Variants in GAPVD1 observed in about 807,000 individuals in gnomAD.
The protein encoded by GAPVD1 is GTPase-activating protein and VPS9 domain-containing protein 1.
Under a neutral mutation model 155.5 loss-of-function variants are expected in GAPVD1, and 35 were observed. That is an observed-to-expected ratio of 0.23 (90% confidence interval 0.17 to 0.30). GAPVD1 has a LOEUF of 0.30. GAPVD1 is among the 10% of genes least tolerant of loss of function. The probability of loss-of-function intolerance (pLI) is 1.00; values close to 1 mark genes in which losing one functional copy is unlikely to be tolerated. For missense variants in GAPVD1, 1,429 were observed against 1,775.7 expected, an observed-to-expected ratio of 0.80 and a Z score of 3.51; for synonymous variants, 636 against 619.7, an observed-to-expected ratio of 1.03 and a Z score of -0.39.
intron 13 of GAPVD1, 80 bp downstream of exon 13, chr9:125,330,298 G>T: frequency 2.2e-5 from 18 of 822,622 alleles, no homozygotes; most frequent in Non-Finnish European, 2.5e-5. Flanking sequence ...TCTGTATTAT[G>T]TATATTTTGT....
At chr9:125,304,277 T>G (rs907847040) in intron 5 of GAPVD1, among the ~76,000 whole-genome samples, 3 of 152,184 alleles carry the variant, frequency 2.0e-5, no homozygotes, top group Non-Finnish European at 2.9e-5. Flanking sequence ...TCCAGGCTGG[T>G]CTTGAACTCC....
At chr9:125,262,775 T>C (rs1451860497) in intron 1 of GAPVD1, among the ~76,000 whole-genome samples, 1 of 152,218 alleles carries the variant, frequency 6.6e-6, no homozygotes, top group Non-Finnish European at 1.5e-5. Context: ...AGAAGGAGGA[T>C]AAAATGACAT....
rs755382715 is a variant in GAPVD1, at chr9:125,302,283, A to G, written c.486A>G (p.Lys162=). The change falls in exon 5 of 28, where the codon AAA becomes AAG. Residue 162 remains lysine, a synonymous_variant. Transcript: ENST00000297933. ...GATACTTGATTGAATTTGAACTTAA[A>G]GAAAGTGACAACCCTAGGCGACTTT... is the stretch of plus-strand genomic sequence containing the variant. The part of the protein sequence containing the change: ...VLRYLIEFEL[K]ESDNPRRLLR... 6.2e-7 allele frequency: 1 copy of G among 1,614,050 alleles called. No homozygotes were observed. The highest frequency in any genetic ancestry group is 8.5e-7 in the Non-Finnish European group (1 of 1,179,996).
In GAPVD1 at chr9:125,301,983, TG is replaced by T; in HGVS notation, c.187del (p.Ala63LeufsTer38). On this transcript the variant is annotated frameshift_variant and splice_region_variant, in exon 5 of 28. Coordinates refer to ENST00000297933, the MANE Select transcript of GAPVD1 (RefSeq NM_001282680.3). LOFTEE classifies it high-confidence loss of function. ...TTGCTCTTTTTTTTTTTTTTTTTAGTGCTGAAGCTTCCCCTGCTGAATGTTG... is the reference window on the plus strand; with the variant it reads ...TTGCTCTTTTTTTTTTTTTTTTTAGTCTGAAGCTTCCCCTGCTGAATGTTG... ...INLDRLIITS[A>X]EASPAECCQH... is the part of the protein sequence containing the mutation. 2 of 1,542,052 alleles carry T rather than the reference TG, an allele frequency of 1.3e-6. No individual in the cohort carries two copies. The highest frequency in any genetic ancestry group is 1.7e-6 in the Non-Finnish European group (2 of 1,150,512).
At chr9:125,305,250 C>T in intron 6 of GAPVD1, 101 bp downstream of exon 6, 1 of 736,286 alleles carries the variant, frequency 1.4e-6, no homozygotes, top group African/African-American at 1.8e-5. Flanking sequence ...ATTAAATGTT[C>T]TTTTAATTAG....
At chr9:125,326,354 A>G in intron 11 of GAPVD1, 62 bp from the exon 12 acceptor site, 1 of 1,171,386 alleles carries the variant, frequency 8.5e-7, no homozygotes, top group Non-Finnish European at 1.3e-6. Context: ...AATTCTTTAA[A>G]GTTGATTAAA....
intron 26 of GAPVD1, 42 bp downstream of exon 26, chr9:125,359,534 C>T (rs80353005): frequency 1.1e-6 from 1 of 948,842 alleles, no homozygotes; most frequent in Non-Finnish European, 1.7e-6. Flanking sequence ...TAACTAAATG[C>T]TGCGTGTTAT....
intron 1 of GAPVD1, among the ~76,000 whole-genome samples, chr9:125,268,192 C>T (rs1192341942): frequency 9.4e-6 from 1 of 106,876 alleles, no homozygotes; most frequent in Non-Finnish European, 2.0e-5. Context: ...AACAAACAAA[C>T]AACCCCCCCC....
At chr9:125,349,661 T>C in intron 21 of GAPVD1, 142 bp downstream of exon 21, 2 of 705,414 alleles carry the variant, frequency 2.8e-6, no homozygotes, top group Non-Finnish European at 4.7e-6. Flanking sequence ...AAGAAGACTT[T>C]GTTTCAGTTG....
chr9:125,341,197 C>T lies in GAPVD1; in HGVS notation c.2898C>T (p.Ser966=), dbSNP rs11794365. The T allele has an allele frequency of 0.012, 18,490 of 1,598,398 alleles. 142 individuals are homozygous for T. The highest frequency in any genetic ancestry group is 0.014 in the Non-Finnish European group (16,721 of 1,165,564). The change falls in exon 18 of 28, where the codon AGC becomes AGT. Residue 966 remains serine (S), a synonymous_variant. Transcript: ENST00000297933. ...SRGETEERKD[S]DDEKSDRNRP... Reference sequence around the variant, plus strand: ...TACAGACTGAAGAACGCAAAGATAGCGATGATGAGAAATCAGACAGGAACA... The same window carrying T: ...TACAGACTGAAGAACGCAAAGATAGTGATGATGAGAAATCAGACAGGAACA...
At chr9:125,265,513 C>T (rs533311792) in intron 1 of GAPVD1, among the ~76,000 whole-genome samples, 2 of 151,378 alleles carry the variant, frequency 1.3e-5, no homozygotes, top group South Asian at 4.2e-4. Flanking sequence ...CGGGTTCCAG[C>T]GATTCTCCTG....
intron 2 of GAPVD1, among the ~76,000 whole-genome samples, chr9:125,278,240 G>A (rs1413944858): frequency 6.6e-6 from 1 of 152,202 alleles, no homozygotes; most frequent in East Asian, 1.9e-4. Flanking sequence ...CTCACATTAG[G>A]CTGGGTGCGG....
chr9:125,294,415 C>T (rs114675940), intron 2 of GAPVD1, among the ~76,000 whole-genome samples: 3,146 of 149,118 alleles, frequency 0.021, 81 homozygotes, highest in African/African-American at 0.071. Context: ...CGCGTGATCT[C>T]GGCTCACTGC....
chr9:125,296,860 A>G (rs1336254795), intron 3 of GAPVD1, among the ~76,000 whole-genome samples: 5 of 151,322 alleles, frequency 3.3e-5, no homozygotes, highest in African/African-American at 4.9e-5. Context: ...GGGTCTCACC[A>G]TGTTGGCCAG....
At chr9:125,329,635 T>G (rs76813318) in intron 12 of GAPVD1, among the ~76,000 whole-genome samples, 6 of 32,004 alleles carry the variant, frequency 1.9e-4, no homozygotes, top group African/African-American at 6.2e-4. Flanking sequence ...AATTTGGTGG[T>G]TTTTTTTTTT....
chr9:125,308,120 T>C, intron 8 of GAPVD1: 1 of 557,636 alleles, frequency 1.8e-6, no homozygotes. Context: ...ACAGTATACT[T>C]TCTTTAAATT....
chr9:125,288,491 T>G (rs1838081114), intron 2 of GAPVD1, among the ~76,000 whole-genome samples: 1 of 152,208 alleles, frequency 6.6e-6, no homozygotes, highest in South Asian at 2.1e-4. Context: ...TTCTGTGTTA[T>G]TTCTACCTTT....
intron 9 of GAPVD1, among the ~76,000 whole-genome samples, chr9:125,317,796 A>G (rs1346895840): frequency 6.6e-6 from 1 of 152,104 alleles, no homozygotes; most frequent in Non-Finnish European, 1.5e-5. Flanking sequence ...GTCTCACCAA[A>G]TAGAAGATAT....
intron 21 of GAPVD1, among the ~76,000 whole-genome samples, chr9:125,350,043 A>G (rs1849086863): frequency 6.6e-6 from 1 of 152,128 alleles, no homozygotes; most frequent in South Asian, 2.1e-4. Context: ...AACTCAGTGT[A>G]TGAAAAAAGG....
Sources: gnomAD v4.1 joint callset for allele counts (sites outside exome capture counted in the v4.1 genomes callset) on GRCh38, gnomAD v4.1.1 for gene constraint, MANE v1.5 for transcripts, NCBI Gene and HGNC (gene_info 2026-07-23, HGNC 2026-07-21) for gene names.